Variants in DCAF6 observed in about 807,000 individuals in gnomAD.
DCAF6 encodes DDB1 and CUL4 associated factor 6.
DCAF6 carries 54 observed loss-of-function variants against 125.1 expected under a neutral mutation model. The observed-to-expected ratio is 0.43, with a 90% confidence interval of 0.35 to 0.54. The LOEUF is 0.54. Among genes scored for constraint, DCAF6 ranks in the 20% least tolerant of loss-of-function variants. The probability of loss-of-function intolerance (pLI) is 0.01; values close to 1 mark genes in which losing one functional copy is unlikely to be tolerated. For synonymous variants in DCAF6, 371 were observed against 390.4 expected (o/e 0.95, Z 0.58); for missense variants, 934 against 1,161.7 (o/e 0.80, Z 2.85).
intron 5 of DCAF6, among the ~76,000 whole-genome samples, chr1:167,989,415 A>T (rs1680510608): frequency 6.6e-6 from 1 of 152,186 alleles, no homozygotes. Flanking sequence ...CTTTTCCTTT[A>T]TGTATAAAAG....
At chr1:167,986,422 T>C (rs1402278128) in intron 4 of DCAF6, among the ~76,000 whole-genome samples, 2 of 152,218 alleles carry the variant, frequency 1.3e-5, no homozygotes, top group Non-Finnish European at 2.9e-5. Context: ...GTGGTGGTAA[T>C]TTATATTTCC....
intron 4 of DCAF6, among the ~76,000 whole-genome samples, chr1:167,983,846 A>G (rs1028723344): frequency 6.6e-5 from 10 of 152,072 alleles, no homozygotes; most frequent in African/African-American, 2.4e-4. Flanking sequence ...CACCCTTAGG[A>G]TGGGGTTGAA....
upstream of DCAF6, among the ~76,000 whole-genome samples, chr1:167,933,647 C>T (rs539509938): frequency 7.2e-5 from 11 of 152,260 alleles, no homozygotes; most frequent in African/African-American, 2.4e-4. Context: ...ATAACAAATA[C>T]TGTTAGGCAA....
chr1:168,005,671 A>G (rs1321472479), intron 10 of DCAF6, among the ~76,000 whole-genome samples: 1 of 152,204 alleles, frequency 6.6e-6, no homozygotes, highest in Non-Finnish European at 1.5e-5. Flanking sequence ...CTAACAGCTT[A>G]GCTGCCAAGC....
At chr1:167,912,686 T>A in the DCAF6 span, among the ~76,000 whole-genome samples, 8 of 152,214 alleles carry the variant, frequency 5.3e-5, no homozygotes, top group African/African-American at 1.7e-4. Context: ...TCCTCTTCCT[T>A]CTTGCCTATT....
intron 12 of DCAF6, among the ~76,000 whole-genome samples, chr1:168,028,661 C>G (rs921864495): frequency 1.3e-5 from 2 of 152,088 alleles, no homozygotes; most frequent in Non-Finnish European, 2.9e-5. Context: ...AATCAAAAAC[C>G]AGTGAAACAG....
chr1:167,963,245 A>G (rs1227341601), intron 2 of DCAF6, among the ~76,000 whole-genome samples: 1 of 151,794 alleles, frequency 6.6e-6, no homozygotes, highest in Non-Finnish European at 1.5e-5. Flanking sequence ...GCCTGGGCAA[A>G]AGCGTGAAAC....
chr1:168,049,330 A>T (rs1689542265), intron 16 of DCAF6, among the ~76,000 whole-genome samples: 1 of 150,770 alleles, frequency 6.6e-6, no homozygotes, highest in Admixed American at 6.6e-5. Context: ...GCAACCTCAT[A>T]CTCCTGGGCT....
At chr1:167,878,684 A>G in the DCAF6 span, 14 of 1,558,962 alleles carry the variant, frequency 9.0e-6, no homozygotes, top group Non-Finnish European at 1.1e-5. Flanking sequence ...ACAGGCATTG[A>G]ACTGAATGTA....
chr1:167,880,717 G>T, the DCAF6 span: 1 of 787,316 alleles, frequency 1.3e-6, no homozygotes, highest in African/African-American at 1.7e-5. Context: ...TTCTGAATCA[G>T]ATTTTATCAT....
chr1:167,935,046 C>A (rs988529828), upstream of DCAF6, among the ~76,000 whole-genome samples: 1 of 151,922 alleles, frequency 6.6e-6, no homozygotes, highest in East Asian at 1.9e-4. Flanking sequence ...TCTCATAGAC[C>A]GCGTATTACA....
At chr1:167,999,255 A>T (rs756569567) in intron 7 of DCAF6, among the ~76,000 whole-genome samples, 14 of 152,278 alleles carry the variant, frequency 9.2e-5, no homozygotes, top group Middle Eastern at 3.4e-3. Context: ...AACATGCTGT[A>T]AAGAGATGTG....
the DCAF6 span, among the ~76,000 whole-genome samples, chr1:167,865,497 G>A: frequency 1.3e-5 from 2 of 152,008 alleles, no homozygotes; most frequent in African/African-American, 4.8e-5. Context: ...ATGTCTATGA[G>A]GTTTTATTAA....
At chr1:168,003,839 A>G (rs1682967774) in intron 8 of DCAF6, 31 bp from the exon 9 acceptor site, 1 of 1,568,066 alleles carries the variant, frequency 6.4e-7, no homozygotes, top group South Asian at 1.2e-5. Context: ...ACTTATTACT[A>G]AACTCACTGA....
chr1:168,069,870 G>A (rs1212883516), intron 21 of DCAF6, among the ~76,000 whole-genome samples: 1 of 151,968 alleles, frequency 6.6e-6, no homozygotes, highest in Admixed American at 6.6e-5. Context: ...AATATATTTT[G>A]TTCAATAACA....
At chr1:167,895,625 G>GT in the DCAF6 span, among the ~76,000 whole-genome samples, 1 of 152,148 alleles carries the variant, frequency 6.6e-6, no homozygotes, top group East Asian at 1.9e-4. Context: ...TATTTTGTTT[G>GT]TTTTTTATGA....
chr1:167,967,875 TG>T (rs1676677975), intron 3 of DCAF6, among the ~76,000 whole-genome samples: 1 of 151,816 alleles, frequency 6.6e-6, no homozygotes, highest in African/African-American at 2.4e-5. Flanking sequence ...GGATTACAGG[TG>T]TGTGCCACCA....
At chr1:168,004,847 T>C in intron 10 of DCAF6, 54 bp downstream of exon 10, 1 of 1,566,108 alleles carries the variant, frequency 6.4e-7, no homozygotes, top group Non-Finnish European at 8.7e-7. Flanking sequence ...TGAAAATTTC[T>C]TTACTGGCTA....
intron 17 of DCAF6, among the ~76,000 whole-genome samples, chr1:168,058,042 A>AC (rs1691113337): frequency 6.6e-6 from 1 of 152,220 alleles, no homozygotes. Context: ...ATAAAGTTTT[A>AC]CCCACTTTTG....
Sources: gnomAD v4.1 joint callset for allele counts (sites outside exome capture counted in the v4.1 genomes callset) on GRCh38, gnomAD v4.1.1 for gene constraint, MANE v1.5 for transcripts, NCBI Gene and HGNC (gene_info 2026-07-23, HGNC 2026-07-21) for gene names.